Variants in RARB observed in about 807,000 individuals in gnomAD.
The protein encoded by RARB is HBV-activated protein.
A neutral mutation model predicts 51.9 loss-of-function variants in RARB; 17 were observed. The observed-to-expected ratio is 0.33, with a 90% CI of 0.22 to 0.49. RARB has a LOEUF of 0.49. Among genes scored for constraint, RARB ranks in the 20% least tolerant of loss-of-function variants. RARB has a pLI of 0.99. For synonymous variants in RARB, 215 were observed against 195.4 expected (o/e 1.10, Z -0.84); for missense variants, 369 against 550.8 (o/e 0.67, Z 3.30).
intron 5 of RARB, among the ~76,000 whole-genome samples, chr3:25,289,797 G>A (rs1251433833): frequency 6.6e-6 from 1 of 152,190 alleles, no homozygotes; most frequent in Non-Finnish European, 1.5e-5. Flanking sequence ...GATAGCAATG[G>A]AATAAGTCAT....
chr3:25,545,232 A>G lies in RARB; in HGVS notation c.449-24526A>G, dbSNP rs935358548. Among the ~76,000 whole-genome samples the G allele has an allele frequency of 4.6e-5, 7 of 152,178 alleles. No individual in the cohort carries two copies. The South Asian group carries it at 1.4e-3, about 31-fold the overall frequency. On this transcript the variant is annotated intron_variant, in intron 3 of 7. Transcript: ENST00000330688. ...AGCTGTGGGATTACAGGCATGAGCC[A>G]CCATTCCTGGCCTGGTGGCTAGGCA... is the stretch of plus-strand genomic sequence containing the variant.
At chr3:25,370,610 A>G (rs911733870) in intron 5 of RARB, among the ~76,000 whole-genome samples, 2 of 152,208 alleles carry the variant, frequency 1.3e-5, no homozygotes, top group East Asian at 3.9e-4. Flanking sequence ...TAGTAGAGGC[A>G]GGCCTGGAGA....
chr3:25,068,348 A>C (rs529185987), intron 3 of RARB, among the ~76,000 whole-genome samples: 21 of 151,984 alleles, frequency 1.4e-4, no homozygotes, highest in Non-Finnish European at 2.8e-4. Flanking sequence ...TGTAGAAGAC[A>C]CAAGTTGCAG....
chr3:25,091,683 C>T (rs939151074), intron 3 of RARB, among the ~76,000 whole-genome samples: 1 of 152,126 alleles, frequency 6.6e-6, no homozygotes, highest in African/African-American at 2.4e-5. Context: ...GCATTTGTCA[C>T]ATTAAAACAG....
At chr3:25,197,246 G>A (rs531357607) in intron 5 of RARB, among the ~76,000 whole-genome samples, 2 of 152,208 alleles carry the variant, frequency 1.3e-5, no homozygotes, top group South Asian at 4.1e-4. Context: ...TTGTGTATAA[G>A]GTGTAAGGAA....
At chr3:25,219,992 A>C (rs951461689) in intron 5 of RARB, among the ~76,000 whole-genome samples, 3 of 152,218 alleles carry the variant, frequency 2.0e-5, no homozygotes, top group Non-Finnish European at 2.9e-5. Context: ...AATGAGTTTA[A>C]TTCCTTTTGT....
chr3:25,210,567 ACT>A (rs1370445635), intron 5 of RARB, among the ~76,000 whole-genome samples: 1 of 30,678 alleles, frequency 3.3e-5, no homozygotes, highest in Non-Finnish European at 8.1e-5. Flanking sequence ...ATTGAGTCTC[ACT>A]CTGTTGCCCA....
rs879363166 is a variant in RARB, at chr3:25,174,104, C to T, written c.-279-15C>T. 5.5e-4 allele frequency: 99 copies of T among 178,582 alleles called. 1 individual carries two copies. Among genetic ancestry groups the T allele is most frequent in the Admixed American group, 4.9e-3 (90 of 18,376 alleles). 11.1% of individuals were successfully genotyped at this position (178,582 alleles called of 1,614,324 possible). A position where few individuals can be genotyped will look rare whatever the true frequency, so the allele number is the denominator to read the frequency against. On this transcript the variant is annotated splice_polypyrimidine_tract_variant and intron_variant, in intron 4 of 11. Coordinates refer to the RARB transcript ENST00000383772. Reference sequence around the variant, plus strand: ...TTTTTTGTGATATATATATTTTTTTCATTTTTTCTTACAGAATTAACAGCT... The same window carrying T: ...TTTTTTGTGATATATATATTTTTTTTATTTTTTCTTACAGAATTAACAGCT...
intron 3 of RARB, among the ~76,000 whole-genome samples, chr3:25,079,061 C>T (rs1311555589): frequency 2.0e-5 from 3 of 150,070 alleles, no homozygotes; most frequent in African/African-American, 7.4e-5. Flanking sequence ...TTTTTTTTAA[C>T]TTCTCTCACA....
chr3:25,405,801 G>A (rs1474377363), intron 5 of RARB, among the ~76,000 whole-genome samples: 1 of 152,192 alleles, frequency 6.6e-6, no homozygotes, highest in African/African-American at 2.4e-5. Context: ...TGCTCTGAAA[G>A]TTCAAAGGAA....
intron 5 of RARB, among the ~76,000 whole-genome samples, chr3:25,255,231 G>A (rs2125403996): frequency 6.6e-6 from 1 of 152,268 alleles, no homozygotes; most frequent in Middle Eastern, 3.4e-3. Flanking sequence ...AATTTTTTCT[G>A]GAGATCAGAT....
At chr3:25,508,627 G>T (rs999592122) in intron 3 of RARB, among the ~76,000 whole-genome samples, 1 of 152,072 alleles carries the variant, frequency 6.6e-6, no homozygotes, top group African/African-American at 2.4e-5. Context: ...TTCTTCATTT[G>T]TTCCCGTGTT....
chr3:25,517,009 C>T (rs542313343), intron 3 of RARB, among the ~76,000 whole-genome samples: 1 of 152,162 alleles, frequency 6.6e-6, no homozygotes, highest in Non-Finnish European at 1.5e-5. Flanking sequence ...ATGACAAATT[C>T]TTCCCTAATG....
In RARB at chr3:25,375,582, C is replaced by A. The variant is rs189280812; in HGVS notation, c.179-85611C>A. On this transcript the variant is annotated intron_variant, in intron 5 of 11. Transcript: ENST00000383772. Reference sequence around the variant, plus strand: ...TAATGGATAATGGGACTGTATGGGGCTAATATATATAGGTCAAACAGTGAA... The same window carrying A: ...TAATGGATAATGGGACTGTATGGGGATAATATATATAGGTCAAACAGTGAA... Among the ~76,000 whole-genome samples the A allele has an allele frequency of 3.6e-3, 542 of 152,186 alleles. 4 individuals are homozygous for A. Among genetic ancestry groups the A allele is most frequent in the Non-Finnish European group, 6.2e-3 (419 of 68,006 alleles).
chr3:25,029,011 G>A (rs1012899866), intron 2 of RARB, among the ~76,000 whole-genome samples: 4 of 152,194 alleles, frequency 2.6e-5, no homozygotes, highest in African/African-American at 4.8e-5. Context: ...CTGTGCTAGG[G>A]ATGGGAGTAT....
intron 4 of RARB, among the ~76,000 whole-genome samples, chr3:25,152,391 T>C (rs1440544407): frequency 6.6e-6 from 1 of 152,210 alleles, no homozygotes; most frequent in East Asian, 1.9e-4. Flanking sequence ...TGGTACTTTC[T>C]GTTCTTCTTG....
intron 5 of RARB, among the ~76,000 whole-genome samples, chr3:25,362,094 C>G (rs1171033888): frequency 6.6e-6 from 1 of 152,158 alleles, no homozygotes; most frequent in Non-Finnish European, 1.5e-5. Context: ...GCCCCTTCCT[C>G]TAGGTGCTGT....
chr3:25,379,284 C>T (rs1019954772), intron 5 of RARB, among the ~76,000 whole-genome samples: 1 of 152,146 alleles, frequency 6.6e-6, no homozygotes, highest in African/African-American at 2.4e-5. Flanking sequence ...CAGGGTTTTT[C>T]TCAGGAGCTA....
At chr3:24,961,635 G>T (rs1051536273) in intron 2 of RARB, among the ~76,000 whole-genome samples, 1 of 151,956 alleles carries the variant, frequency 6.6e-6, no homozygotes, top group Non-Finnish European at 1.5e-5. Flanking sequence ...GGAGGGCGGG[G>T]CATGGAGTTC....
Sources: allele counts gnomAD v4.1 joint callset (sites outside exome capture counted in the v4.1 genomes callset), GRCh38; gene constraint gnomAD v4.1.1; transcripts MANE v1.5; gene names NCBI Gene and HGNC (gene_info 2026-07-23, HGNC 2026-07-21).